CMC2: variants seen among roughly 807,000 people sequenced by gnomAD.
CMC2 encodes the protein C-X9-C motif containing 2, also known as COX assembly mitochondrial protein 2 homolog.
CMC2 carries 5 observed loss-of-function variants against 7.5 expected under a neutral mutation model. That is an observed-to-expected ratio of 0.66 (90% CI 0.35 to 1.40). The LOEUF (loss-of-function observed/expected upper bound fraction) is 1.40. Ranked by LOEUF, CMC2 falls within the 40% of genes most tolerant of loss-of-function variation. The pLI is 0.04. For missense variants in CMC2, 115 were observed against 92.3 expected (o/e 1.25, Z -1.01); for synonymous variants, 37 against 31.4 (o/e 1.18, Z -0.60).
intron 2 of CMC2, chr16:80,997,077 A>G (rs1968480738): frequency 5.4e-6 from 3 of 560,312 alleles, no homozygotes; most frequent in African/African-American, 1.9e-5. Context: ...CAACTGTTAC[A>G]TACCAGTTCA....
At chr16:81,001,197 G>C (rs908419999) in intron 1 of CMC2, 3 of 152,106 alleles carry the variant, frequency 2.0e-5, no homozygotes, top group African/African-American at 7.2e-5. Flanking sequence ...ACTAATAGAC[G>C]GTAGAAGGAG....
At chr16:81,003,005 A>G (rs372340526) in intron 1 of CMC2, among the ~76,000 whole-genome samples, 1 of 152,180 alleles carries the variant, frequency 6.6e-6, no homozygotes, top group Non-Finnish European at 1.5e-5. Flanking sequence ...CTTCTACCAC[A>G]TATTTTTAGC....
At chr16:80,980,070 C>G (rs1321893471) in intron 3 of CMC2, among the ~76,000 whole-genome samples, 1 of 152,128 alleles carries the variant, frequency 6.6e-6, no homozygotes. Context: ...AGGTCTGTGC[C>G]ACCACACTTG....
At chr16:81,002,992 T>C (rs1337523235) in intron 1 of CMC2, among the ~76,000 whole-genome samples, 2 of 152,224 alleles carry the variant, frequency 1.3e-5, no homozygotes, top group Admixed American at 6.5e-5. Flanking sequence ...CACTCCCTTC[T>C]TTCTTCTACC....
intron 1 of CMC2, among the ~76,000 whole-genome samples, chr16:81,002,975 TC>T (rs1968982975): frequency 6.6e-6 from 1 of 152,232 alleles, no homozygotes; most frequent in South Asian, 2.1e-4. Flanking sequence ...TTCCTTGCTT[TC>T]CCCATCACTC....
intron 1 of CMC2, among the ~76,000 whole-genome samples, chr16:81,000,329 C>G (rs1443764083): frequency 6.6e-6 from 1 of 152,090 alleles, no homozygotes; most frequent in African/African-American, 2.4e-5. Flanking sequence ...AACCCCATCT[C>G]TACTAAAGAT....
At chr16:81,001,214 G>C (rs1968838037) in intron 1 of CMC2, 1 of 152,058 alleles carries the variant, frequency 6.6e-6, no homozygotes, top group Non-Finnish European at 1.5e-5. Flanking sequence ...GGAGGGTAAG[G>C]GCTGAAAAAC....
Position 81,006,160 on chromosome 16 carries a change from G to A in CMC2, c.-36+574C>T, listed in dbSNP as rs531647920. ...TAAAACGCCTGATCTTTAAACGCAA[G>A]AAAAGCAAGATGAATGTATTACTTT... On this transcript the variant is annotated intron_variant, in intron 1 of 3. Coordinates refer to ENST00000219400, the MANE Select transcript of CMC2 (RefSeq NM_020188.5). Among the ~76,000 whole-genome samples the A allele has an allele frequency of 2.6e-5, 4 of 151,832 alleles. No homozygotes were observed. In the East Asian group the frequency reaches 7.8e-4, roughly 29 times the overall value.
chr16:81,001,026 GA>G (rs1455267850), intron 1 of CMC2, among the ~76,000 whole-genome samples: 1 of 152,142 alleles, frequency 6.6e-6, no homozygotes, highest in Non-Finnish European at 1.5e-5. Flanking sequence ...AAAAAAGGAC[GA>G]AATTATGTCC....
intron 1 of CMC2, among the ~76,000 whole-genome samples, chr16:81,000,389 G>T (rs1013626349): frequency 6.6e-6 from 1 of 152,106 alleles, no homozygotes; most frequent in African/African-American, 2.4e-5. Context: ...CCAGCTACTC[G>T]AGAGGCTGAG....
At chr16:80,977,206 A>C (rs1912496377) in intron 3 of CMC2, among the ~76,000 whole-genome samples, 1 of 152,232 alleles carries the variant, frequency 6.6e-6, no homozygotes, top group Admixed American at 6.5e-5. Context: ...AATCAGCTAC[A>C]TATAAACACA....
intron 2 of CMC2, among the ~76,000 whole-genome samples, chr16:80,986,077 G>A (rs1035068411): frequency 6.6e-6 from 1 of 152,164 alleles, no homozygotes; most frequent in African/African-American, 2.4e-5. Flanking sequence ...GCCAGGTGCG[G>A]TGGCTCATGC....
rs565843856 is a variant in CMC2 at position 80,970,895 on chromosome 16, G to A, written c.*5198C>T. On this transcript the variant is annotated 3_prime_UTR_variant, in exon 4 of 4. Transcript: ENST00000219400. ...AAAATACCCCTTAGACACAAATCTA[G>A]CAAAAGATGTATAAGAACACTATTT... is the stretch of plus-strand genomic sequence containing the variant. 7 of 152,252 alleles carry A rather than the reference G, an allele frequency of 4.6e-5. No homozygotes were observed. The highest frequency in any genetic ancestry group is 7.4e-5 in the Non-Finnish European group (5 of 68,008). The allele number at this position is 152,252 out of a possible 1,614,324, so 9.4% of individuals were successfully genotyped here. A position where few individuals can be genotyped will look rare whatever the true frequency, so the allele number is the denominator to read the frequency against.
At chr16:80,989,562 T>C (rs772681503) in intron 2 of CMC2, among the ~76,000 whole-genome samples, 2 of 152,142 alleles carry the variant, frequency 1.3e-5, no homozygotes, top group Non-Finnish European at 2.9e-5. Context: ...AGCCCTACAA[T>C]CAGTCATTTC....
At chr16:80,978,385 A>T (rs1206328196) in intron 3 of CMC2, 1 of 1,270,250 alleles carries the variant, frequency 7.9e-7, no homozygotes, top group Non-Finnish European at 1.0e-6. Flanking sequence ...AAAATATGCT[A>T]AGACATCTCC....
rs1229085503 is a variant in CMC2 at position 80,968,272 on chromosome 16, G to C, written c.*7821C>G. On this transcript the variant is annotated 3_prime_UTR_variant, in exon 4 of 4. Transcript: ENST00000219400. Reference sequence around the variant, plus strand: ...TTTTGTAGAGACAGGGTCTTACTATGTTGCCCAAGCTGGTCTTGAACTCCC... The same window carrying C: ...TTTTGTAGAGACAGGGTCTTACTATCTTGCCCAAGCTGGTCTTGAACTCCC... 2 of 152,094 alleles carry C rather than the reference G, an allele frequency of 1.3e-5. No individual in the cohort carries two copies. The highest frequency in any genetic ancestry group is 2.9e-5 in the Non-Finnish European group (2 of 68,064). The allele number at this position is 152,094 out of a possible 1,614,324, so 9.4% of individuals were successfully genotyped here. A position where few individuals can be genotyped will look rare whatever the true frequency, so the allele number is the denominator to read the frequency against.
chr16:81,001,946 T>G (rs1232236301), intron 1 of CMC2, among the ~76,000 whole-genome samples: 1 of 152,174 alleles, frequency 6.6e-6, no homozygotes, highest in Non-Finnish European at 1.5e-5. Context: ...CAGCCAAGTT[T>G]AAATTTTGTT....
intron 3 of CMC2, among the ~76,000 whole-genome samples, chr16:80,977,523 T>C (rs894005415): frequency 5.9e-5 from 9 of 152,076 alleles, no homozygotes; most frequent in African/African-American, 1.2e-4. Flanking sequence ...GAGCCACAGA[T>C]CTGGAGAGCG....
chr16:81,000,869 G>A (rs748333781), intron 1 of CMC2, among the ~76,000 whole-genome samples: 17 of 152,024 alleles, frequency 1.1e-4, no homozygotes, highest in Non-Finnish European at 1.6e-4. Flanking sequence ...AAAATAAACC[G>A]TTTTACAAAA....
Sources: allele counts gnomAD v4.1 joint callset (sites outside exome capture counted in the v4.1 genomes callset), GRCh38; gene constraint gnomAD v4.1.1; transcripts MANE v1.5; gene names NCBI Gene and HGNC (gene_info 2026-07-23, HGNC 2026-07-21).